NDUFS4: variants seen among roughly 807,000 people sequenced by gnomAD.
The protein encoded by NDUFS4 is NADH dehydrogenase [ubiquinone] iron-sulfur protein 4, mitochondrial.
In NDUFS4, 28 loss-of-function variants were observed where a neutral mutation model predicts 24.3. The ratio of observed to expected loss-of-function variants is 1.15; its 90% CI spans 0.85 to 1.58. The LOEUF (loss-of-function observed/expected upper bound fraction) is 1.58, where lower values mean the gene tolerates loss of function less well. NDUFS4 is among the 40% of genes most tolerant of loss of function. The probability of loss-of-function intolerance (pLI) is 0.00; values close to 1 mark genes in which losing one functional copy is unlikely to be tolerated. For missense variants in NDUFS4, 223 were observed against 207.9 expected (o/e 1.07, Z -0.45); for synonymous variants, 93 against 69.7 (o/e 1.34, Z -1.67).
chr5:53,583,696 A>G (rs1749647096), intron 1 of NDUFS4, among the ~76,000 whole-genome samples: 1 of 152,236 alleles, frequency 6.6e-6, no homozygotes, highest in South Asian at 2.1e-4. Context: ...GGATTTTTAA[A>G]TATTATAGGT....
At chr5:53,597,034 C>G (rs1346083381) in intron 1 of NDUFS4, among the ~76,000 whole-genome samples, 1 of 152,132 alleles carries the variant, frequency 6.6e-6, no homozygotes, top group African/African-American at 2.4e-5. Flanking sequence ...TACAAATGTA[C>G]AATTTGGGCA....
intron 1 of NDUFS4, among the ~76,000 whole-genome samples, chr5:53,601,045 C>T (rs1387224908): frequency 6.7e-6 from 1 of 149,128 alleles, no homozygotes; most frequent in East Asian, 2.0e-4. Flanking sequence ...TGCTCTGTCG[C>T]CCAGGCTGGA....
At chr5:53,585,797 G>T (rs927895535) in intron 1 of NDUFS4, among the ~76,000 whole-genome samples, 2 of 150,952 alleles carry the variant, frequency 1.3e-5, no homozygotes, top group African/African-American at 4.9e-5. Context: ...ACCTGTGCCT[G>T]TGTGTATTGT....
chr5:53,679,931 A>G (rs1740604035), intron 4 of NDUFS4, among the ~76,000 whole-genome samples: 2 of 152,148 alleles, frequency 1.3e-5, no homozygotes, highest in Admixed American at 6.6e-5. Flanking sequence ...CTTCCTCACA[A>G]TTGTGGGAGA....
intron 3 of NDUFS4, among the ~76,000 whole-genome samples, chr5:53,652,726 T>G (rs1752053525): frequency 6.6e-6 from 1 of 152,198 alleles, no homozygotes; most frequent in Non-Finnish European, 1.5e-5. Flanking sequence ...GCTCTTTTAA[T>G]TACCTGAGTC....
intron 2 of NDUFS4, among the ~76,000 whole-genome samples, chr5:53,624,031 T>C (rs1450760380): frequency 1.3e-5 from 2 of 152,216 alleles, no homozygotes; most frequent in East Asian, 3.9e-4. Flanking sequence ...GATCCATTTT[T>C]AGTTAACTGT....
intron 4 of NDUFS4, among the ~76,000 whole-genome samples, chr5:53,671,098 C>T (rs968024426): frequency 1.3e-5 from 2 of 151,918 alleles, no homozygotes; most frequent in African/African-American, 4.8e-5. Context: ...TAGGGACGTA[C>T]TATATACCTA....
chr5:53,656,125 ATACCT>A (rs1752155538), intron 3 of NDUFS4, among the ~76,000 whole-genome samples: 1 of 152,018 alleles, frequency 6.6e-6, no homozygotes, highest in African/African-American at 2.4e-5. Flanking sequence ...AGACTAGAGA[ATACCT>A]TATGGGAAAC....
chr5:53,679,201 A>G lies in NDUFS4; in HGVS notation c.425-3917A>G, dbSNP rs562820425. ...TTAGAGAAGCACAGTTGCATGTGCA[A>G]CTTTGGAAACAAAGTTGTTTGCCAC... On this transcript the variant is annotated intron_variant, in intron 4 of 4. Transcript: ENST00000296684. Among the ~76,000 whole-genome samples, 6 of 152,266 alleles carry G rather than the reference A, an allele frequency of 3.9e-5. No individual in the cohort carries two copies. In the South Asian group the frequency reaches 1.0e-3, roughly 26 times the overall value.
rs368601305 is a variant in NDUFS4 at position 53,660,323 on chromosome 5, A to G, written c.424+1699A>G. Among the ~76,000 whole-genome samples the G allele has an allele frequency of 3.3e-5, 5 of 152,206 alleles. No individual in the cohort carries two copies. In the East Asian group the frequency reaches 9.6e-4, roughly 29 times the overall value. On this transcript the variant is annotated intron_variant, in intron 4 of 4. Coordinates refer to ENST00000296684, the MANE Select transcript of NDUFS4 (RefSeq NM_002495.4). ...CTTCATCCATGTCCCTACAAAGGAC[A>G]TGAACTCATCCTTTTTTATGGCTGC...
At chr5:53,676,926 G>A (rs1186423075) in intron 4 of NDUFS4, among the ~76,000 whole-genome samples, 1 of 152,038 alleles carries the variant, frequency 6.6e-6, no homozygotes, top group African/African-American at 2.4e-5. Context: ...CTGCTAAGGC[G>A]CGAGCACGAG....
chr5:53,680,637 T>C (rs933180333), intron 4 of NDUFS4, among the ~76,000 whole-genome samples: 3 of 151,890 alleles, frequency 2.0e-5, no homozygotes, highest in African/African-American at 7.3e-5. Context: ...TAGGTGGGAA[T>C]TGAACAATGA....
intron 3 of NDUFS4, among the ~76,000 whole-genome samples, chr5:53,651,418 A>C (rs1180687532): frequency 6.6e-6 from 1 of 151,974 alleles, no homozygotes; most frequent in Non-Finnish European, 1.5e-5. Flanking sequence ...TAACTAAGAA[A>C]TAAACCTGTG....
chr5:53,631,294 A>T (rs1452064860), intron 2 of NDUFS4, among the ~76,000 whole-genome samples: 3 of 152,154 alleles, frequency 2.0e-5, no homozygotes, highest in African/African-American at 7.2e-5. Flanking sequence ...TGCCAGCCAG[A>T]GTTCTCCTCT....
At chr5:53,562,991 A>T (rs1748899748) in intron 1 of NDUFS4, among the ~76,000 whole-genome samples, 1 of 152,150 alleles carries the variant, frequency 6.6e-6, no homozygotes, top group Non-Finnish European at 1.5e-5. Flanking sequence ...GCACTTTGGG[A>T]GGCCGAGGCG....
chr5:53,606,596 C>T (rs1324229084), intron 2 of NDUFS4, among the ~76,000 whole-genome samples: 1 of 152,174 alleles, frequency 6.6e-6, no homozygotes, highest in Non-Finnish European at 1.5e-5. Flanking sequence ...AACTCCTGAC[C>T]TCAGGTAATC....
chr5:53,642,172 T>C (rs1751725933), intron 2 of NDUFS4, among the ~76,000 whole-genome samples: 1 of 152,130 alleles, frequency 6.6e-6, no homozygotes, highest in African/African-American at 2.4e-5. Context: ...CGGAAGTAAT[T>C]ACTAAGGCCA....
At chr5:53,566,614 G>C (rs929910680) in intron 1 of NDUFS4, among the ~76,000 whole-genome samples, 3 of 152,064 alleles carry the variant, frequency 2.0e-5, no homozygotes, top group African/African-American at 7.2e-5. Flanking sequence ...GACTCCTCAA[G>C]GACACCAAAA....
intron 2 of NDUFS4, among the ~76,000 whole-genome samples, chr5:53,612,320 T>A (rs184777452): frequency 1.3e-5 from 2 of 152,188 alleles, no homozygotes; most frequent in East Asian, 3.9e-4. Flanking sequence ...GCACCACCTG[T>A]TTTAACTTTT....
Sources: gnomAD v4.1 joint callset for allele counts (sites outside exome capture counted in the v4.1 genomes callset) on GRCh38, gnomAD v4.1.1 for gene constraint, MANE v1.5 for transcripts, NCBI Gene and HGNC (gene_info 2026-07-23, HGNC 2026-07-21) for gene names.